Variants in TFPI observed in about 807,000 individuals in gnomAD.
The protein encoded by TFPI is tissue factor pathway inhibitor.
TFPI carries 15 observed loss-of-function variants against 34.6 expected under a neutral mutation model. The ratio of observed to expected loss-of-function variants is 0.43; its 90% CI spans 0.29 to 0.67. The LOEUF (loss-of-function observed/expected upper bound fraction) is 0.67, where lower values mean the gene tolerates loss of function less well. TFPI is among the 30% of genes least tolerant of loss of function. The pLI is 0.15. For synonymous variants in TFPI, 105 were observed against 120.1 expected, an observed-to-expected ratio of 0.87 and a Z score of 0.82; for missense variants, 301 against 364.0, an observed-to-expected ratio of 0.83 and a Z score of 1.41.
chr2:187,491,171 C>T (rs1685098786), intron 3 of TFPI, among the ~76,000 whole-genome samples: 1 of 151,652 alleles, frequency 6.6e-6, no homozygotes, highest in South Asian at 2.1e-4. Context: ...TCTTTCAGTT[C>T]TTTGTTTTTT....
At chr2:187,476,590 C>T (rs1692392952) in intron 6 of TFPI, among the ~76,000 whole-genome samples, 1 of 152,088 alleles carries the variant, frequency 6.6e-6, no homozygotes, top group Admixed American at 6.6e-5. Context: ...TCTTCCCACC[C>T]CAGCCTTCCA....
rs1363676215 is a variant in TFPI, at chr2:187,506,061, T to G, written c.-2-2291A>C. 2.0e-5 allele frequency among the ~76,000 whole-genome samples: 3 copies of G among 152,020 alleles called. No homozygotes were observed. In the East Asian group the frequency reaches 5.8e-4, roughly 29 times the overall value. On this transcript the variant is annotated intron_variant, in intron 1 of 7. Coordinates refer to ENST00000233156, the MANE Select transcript of TFPI (RefSeq NM_006287.6). ...TTGCAGGAGGAATCAAATATCTAAA[T>G]TTTTACTCAAAAATGCTGTCTGGTT...
intron 2 of TFPI, among the ~76,000 whole-genome samples, chr2:187,499,338 C>A (rs1470641494): frequency 1.3e-5 from 2 of 151,912 alleles, no homozygotes; most frequent in Non-Finnish European, 2.9e-5. Flanking sequence ...GCTAAAAATA[C>A]TTTCTAAAAA....
intron 1 of TFPI, among the ~76,000 whole-genome samples, chr2:187,533,366 G>T (rs1688072610): frequency 1.3e-5 from 2 of 152,160 alleles, no homozygotes; most frequent in South Asian, 4.1e-4. Flanking sequence ...TCCAGAGGAA[G>T]GAATAGCAGT....
At chr2:187,542,734 G>T (rs1688649240) in intron 1 of TFPI, among the ~76,000 whole-genome samples, 1 of 152,008 alleles carries the variant, frequency 6.6e-6, no homozygotes, top group Non-Finnish European at 1.5e-5. Flanking sequence ...GGGCGTGGTG[G>T]CGTGTGCCTG....
At chr2:187,493,207 C>T (rs549524686) in intron 3 of TFPI, among the ~76,000 whole-genome samples, 3 of 152,284 alleles carry the variant, frequency 2.0e-5, no homozygotes, top group South Asian at 2.1e-4. Context: ...TTCTTGACTT[C>T]GGTATACTCT....
chr2:187,515,363 A>G (rs1262462070), intron 1 of TFPI: 1 of 152,008 alleles, frequency 6.6e-6, no homozygotes, highest in Non-Finnish European at 1.5e-5. Flanking sequence ...AACACCCTAA[A>G]CCCCACCACC....
Position 187,478,821 on chromosome 2 carries a change from G to T in TFPI, c.628+5303C>A, listed in dbSNP as rs576298696. ...TTTTGTAACTGTGGATCACAAAATT[G>T]ATAAATAAAAAATGTGAGTCATCTT... On this transcript the variant is annotated intron_variant, in intron 6 of 7. Coordinates refer to ENST00000233156, the MANE Select transcript of TFPI (RefSeq NM_006287.6). The T allele has an allele frequency of 1.9e-5, 30 of 1,596,882 alleles. No individual in the cohort carries two copies. The South Asian group carries it at 3.3e-4, about 18-fold the overall frequency.
intron 1 of TFPI, among the ~76,000 whole-genome samples, chr2:187,539,395 T>C (rs1248714888): frequency 6.6e-6 from 1 of 152,162 alleles, no homozygotes. Context: ...ATGGATAGAA[T>C]GGACATAGGA....
chr2:187,503,547 AC>A (rs1574443766), intron 2 of TFPI, 100 bp downstream of exon 2: 5 of 1,419,830 alleles, frequency 3.5e-6, no homozygotes, highest in African/African-American at 1.4e-5. Flanking sequence ...CACTTCAATA[AC>A]AACTAATTTC....
chr2:187,523,337 T>TAA (rs1304852675), intron 1 of TFPI, among the ~76,000 whole-genome samples: 1 of 152,136 alleles, frequency 6.6e-6, no homozygotes, highest in Non-Finnish European at 1.5e-5. Context: ...AATATACATG[T>TAA]ATAGCAATAG....
chr2:187,535,162 A>C (rs1345001325), intron 1 of TFPI, among the ~76,000 whole-genome samples: 1 of 152,176 alleles, frequency 6.6e-6, no homozygotes, highest in African/African-American at 2.4e-5. Context: ...CCCCACTGTC[A>C]ATATTACACA....
At chr2:187,475,376 A>G (rs759727083) in intron 6 of TFPI, among the ~76,000 whole-genome samples, 1 of 152,224 alleles carries the variant, frequency 6.6e-6, no homozygotes, top group Non-Finnish European at 1.5e-5. Flanking sequence ...AATTTGTTAA[A>G]TGAAGATATG....
chr2:187,479,542 C>T (rs1252027463), intron 6 of TFPI, among the ~76,000 whole-genome samples: 1 of 97,722 alleles, frequency 1.0e-5, no homozygotes, highest in Non-Finnish European at 2.0e-5. Flanking sequence ...GGGGATATCA[C>T]GTTCATATAT....
At chr2:187,508,061 A>G (rs927264102) in intron 1 of TFPI, among the ~76,000 whole-genome samples, 5 of 152,212 alleles carry the variant, frequency 3.3e-5, no homozygotes, top group African/African-American at 1.2e-4. Flanking sequence ...GATTTATTAA[A>G]TAGGAAATCC....
chr2:187,529,988 C>T (rs995516818), intron 1 of TFPI, among the ~76,000 whole-genome samples: 3 of 152,038 alleles, frequency 2.0e-5, no homozygotes, highest in Non-Finnish European at 4.4e-5. Context: ...TTTGTTTATT[C>T]GTTTGTTTTT....
intron 3 of TFPI, among the ~76,000 whole-genome samples, chr2:187,495,065 A>G (rs1162280928): frequency 6.6e-6 from 1 of 152,164 alleles, no homozygotes; most frequent in Non-Finnish European, 1.5e-5. Context: ...GGGGTAAGAG[A>G]GTTACATTTA....
chr2:187,496,730 G>T, intron 3 of TFPI, 151 bp downstream of exon 3: 1 of 697,430 alleles, frequency 1.4e-6, no homozygotes, highest in Non-Finnish European at 2.3e-6. Flanking sequence ...ATGTTTTTAG[G>T]ATTCCCTGAA....
chr2:187,500,934 A>G (rs1466192987), intron 2 of TFPI, among the ~76,000 whole-genome samples: 1 of 152,214 alleles, frequency 6.6e-6, no homozygotes, highest in Non-Finnish European at 1.5e-5. Context: ...CACTACAGAT[A>G]TGACAGTAAA....
Sources: allele counts gnomAD v4.1 joint callset (sites outside exome capture counted in the v4.1 genomes callset), GRCh38; gene constraint gnomAD v4.1.1; transcripts MANE v1.5; gene names NCBI Gene and HGNC (gene_info 2026-07-23, HGNC 2026-07-21).